Variants in DIAPH3 observed in about 807,000 individuals in gnomAD.
DIAPH3 encodes protein diaphanous homolog 3.
Under a neutral mutation model 144.3 loss-of-function variants are expected in DIAPH3, and 117 were observed. The ratio of observed to expected loss-of-function variants is 0.81; its 90% CI spans 0.70 to 0.95. The LOEUF (loss-of-function observed/expected upper bound fraction) is 0.95, where lower values mean the gene tolerates loss of function less well. Among genes scored for constraint, DIAPH3 ranks in the 40% least tolerant of loss-of-function variants. DIAPH3 has a pLI of 0.00. For synonymous variants in DIAPH3, 519 were observed against 488.9 expected, an observed-to-expected ratio of 1.06 and a Z score of -0.81; for missense variants, 1,421 against 1,412.7, an observed-to-expected ratio of 1.01 and a Z score of -0.09.
At chr13:60,116,857 T>C (rs2058717460) in intron 2 of DIAPH3, among the ~76,000 whole-genome samples, 2 of 152,006 alleles carry the variant, frequency 1.3e-5, no homozygotes, top group Non-Finnish European at 2.9e-5. Flanking sequence ...TAACAATATT[T>C]TTACTAATAT....
At chr13:60,077,242 A>C (rs867278689) in intron 4 of DIAPH3, among the ~76,000 whole-genome samples, 57 of 152,234 alleles carry the variant, frequency 3.7e-4, no homozygotes, top group African/African-American at 1.3e-3. Flanking sequence ...ATGCGTAAAG[A>C]TCACGAGCTA....
chr13:59,840,485 T>C (rs2042279896), intron 22 of DIAPH3, among the ~76,000 whole-genome samples: 1 of 152,044 alleles, frequency 6.6e-6, no homozygotes, highest in African/African-American at 2.4e-5. Flanking sequence ...AATTTTAGCT[T>C]GGTTCAAAAG....
intron 5 of DIAPH3, among the ~76,000 whole-genome samples, chr13:60,030,433 G>T (rs536705619): frequency 6.5e-4 from 99 of 152,136 alleles, no homozygotes; most frequent in African/African-American, 2.2e-3. Context: ...TCCAAACAGA[G>T]AATACATAAA....
intron 20 of DIAPH3, among the ~76,000 whole-genome samples, chr13:59,890,554 C>A (rs945409388): frequency 6.6e-6 from 1 of 151,526 alleles, no homozygotes; most frequent in Admixed American, 6.6e-5. Flanking sequence ...GTAATTTTTA[C>A]AACTTTTTAC....
chr13:60,156,200 T>G lies in DIAPH3; in HGVS notation c.180+7387A>C, dbSNP rs74469487. ...ATCTCTGCCTCTGCAGTCACAACAC[T>G]CTCTCCTCTTCTGTGGTCAAATAAC... is the stretch of plus-strand genomic sequence containing the variant. On this transcript the variant is annotated intron_variant, in intron 1 of 27. Coordinates refer to ENST00000400324, the MANE Select transcript of DIAPH3 (RefSeq NM_001042517.2). Among the ~76,000 whole-genome samples, 323 of 152,254 alleles carry G rather than the reference T, an allele frequency of 2.1e-3. 8 individuals carry two copies. The East Asian group carries it at 0.052, about 25-fold the overall frequency.
At chr13:60,069,512 T>G (rs1188080955) in intron 4 of DIAPH3, among the ~76,000 whole-genome samples, 7 of 152,194 alleles carry the variant, frequency 4.6e-5, no homozygotes, top group African/African-American at 1.2e-4. Flanking sequence ...TTGGTTTTGT[T>G]GCAATTGCTT....
intron 27 of DIAPH3, among the ~76,000 whole-genome samples, chr13:59,723,593 G>C (rs2035453244): frequency 6.6e-6 from 1 of 151,762 alleles, no homozygotes; most frequent in Admixed American, 6.6e-5. Context: ...AAGTGACACT[G>C]ATCGAAAATG....
rs925574347 is a variant in DIAPH3, at chr13:60,163,606, C to T, written c.161G>A (p.Gly54Glu). The T allele has an allele frequency of 3.1e-6, 5 of 1,600,342 alleles. No homozygotes were observed. Among genetic ancestry groups the T allele is most frequent in the Non-Finnish European group, 4.3e-6 (5 of 1,170,434 alleles). ...PPPPSGPEEP[G>E]EKRPKFHLNI... Reference sequence around the variant, plus strand: ...ACTCACAAACTTGGGGCGCTTCTCCCCAGGCTCCTCGGGGCCACTGGGCGG... The same window carrying T: ...ACTCACAAACTTGGGGCGCTTCTCCTCAGGCTCCTCGGGGCCACTGGGCGG... Residue 54 changes from glycine to glutamate, a missense_variant, in exon 1 of 28, where the codon GGG becomes GAG. Coordinates refer to ENST00000400324, the MANE Select transcript of DIAPH3 (RefSeq NM_001042517.2).
chr13:59,974,902 T>A (rs558297001), intron 14 of DIAPH3, among the ~76,000 whole-genome samples: 1 of 152,114 alleles, frequency 6.6e-6, no homozygotes, highest in Non-Finnish European at 1.5e-5. Context: ...TTAATATTTT[T>A]TATTACTAAA....
chr13:60,043,603 G>A (rs1032856223), intron 4 of DIAPH3, among the ~76,000 whole-genome samples: 1 of 152,198 alleles, frequency 6.6e-6, no homozygotes, highest in African/African-American at 2.4e-5. Flanking sequence ...CTCTCCTGGG[G>A]AGTTTTGGAA....
At chr13:59,845,427 C>T (rs1305695831) in intron 22 of DIAPH3, among the ~76,000 whole-genome samples, 1 of 152,140 alleles carries the variant, frequency 6.6e-6, no homozygotes, top group Non-Finnish European at 1.5e-5. Context: ...GTCATTTTCA[C>T]ACTGTGCATA....
intron 17 of DIAPH3, among the ~76,000 whole-genome samples, chr13:59,967,066 T>G: frequency 6.6e-6 from 1 of 151,940 alleles, no homozygotes; most frequent in East Asian, 1.9e-4. Flanking sequence ...TTTGTTTTTT[T>G]GTTTTTTTGT....
Position 59,666,400 on chromosome 13 carries a change from T to A in DIAPH3, c.*184A>T, listed in dbSNP as rs1208683459. Reference sequence around the variant, plus strand: ...GATTAAAGCCCGGTACAATCTTGAATAAACCAAAACCTCCAGTACATAGAA... The same window carrying A: ...GATTAAAGCCCGGTACAATCTTGAAAAAACCAAAACCTCCAGTACATAGAA... On this transcript the variant is annotated 3_prime_UTR_variant, in exon 28 of 28. Coordinates refer to ENST00000400324, the MANE Select transcript of DIAPH3 (RefSeq NM_001042517.2). 6.2e-6 allele frequency: 4 copies of A among 642,438 alleles called. No individual in the cohort carries two copies. The highest frequency in any genetic ancestry group is 1.9e-5 in the African/African-American group (1 of 52,784). 39.8% of individuals were successfully genotyped at this position (642,438 alleles called of 1,614,324 possible).
At chr13:60,144,841 T>TG (rs1664884069) in intron 1 of DIAPH3, 1 of 152,198 alleles carries the variant, frequency 6.6e-6, no homozygotes, top group Non-Finnish European at 1.5e-5. Context: ...TCCAGTCCTT[T>TG]GTGACGGCCA....
intron 25 of DIAPH3, among the ~76,000 whole-genome samples, chr13:59,806,882 G>GT (rs1942160891): frequency 6.6e-6 from 1 of 151,646 alleles, no homozygotes. Flanking sequence ...AAAATTCAAT[G>GT]TATCAATTTA....
At chr13:60,108,553 C>G (rs1594687887) in intron 3 of DIAPH3, among the ~76,000 whole-genome samples, 1 of 151,902 alleles carries the variant, frequency 6.6e-6, no homozygotes, top group Non-Finnish European at 1.5e-5. Flanking sequence ...TTGCAATAAG[C>G]CAAGATCATG....
At chr13:59,895,077 T>A (rs1182541758) in intron 20 of DIAPH3, among the ~76,000 whole-genome samples, 1 of 152,158 alleles carries the variant, frequency 6.6e-6, no homozygotes, top group Non-Finnish European at 1.5e-5. Context: ...TTTATATTAC[T>A]AAGTTTTGAC....
rs1239018503 is a variant in DIAPH3 at position 60,122,214 on chromosome 13, C to G, written c.214-10028G>C. Among the ~76,000 whole-genome samples the G allele has an allele frequency of 1.3e-5, 2 of 152,140 alleles. 1 individual carries two copies. The highest frequency in any genetic ancestry group is 4.8e-5 in the African/African-American group (2 of 41,416). On this transcript the variant is annotated intron_variant, in intron 2 of 27. Coordinates refer to ENST00000400324, the MANE Select transcript of DIAPH3 (RefSeq NM_001042517.2). Reference sequence around the variant, plus strand: ...GTATGATCTAGAGATAATGAACAACCTAGAATCTCCTAAACATGTACAGGT... The same window carrying G: ...GTATGATCTAGAGATAATGAACAACGTAGAATCTCCTAAACATGTACAGGT...
chr13:59,739,783 G>A (rs1420723618), intron 27 of DIAPH3, among the ~76,000 whole-genome samples: 1 of 151,922 alleles, frequency 6.6e-6, no homozygotes, highest in East Asian at 1.9e-4. Context: ...CATAATGGAG[G>A]ACCCTGAAAA....
Sources: gnomAD v4.1 joint callset for allele counts (sites outside exome capture counted in the v4.1 genomes callset) on GRCh38, gnomAD v4.1.1 for gene constraint, MANE v1.5 for transcripts, NCBI Gene and HGNC (gene_info 2026-07-23, HGNC 2026-07-21) for gene names.